Variants in PTPN14 observed in about 807,000 individuals in gnomAD.
PTPN14 encodes the protein protein tyrosine phosphatase non-receptor type 14.
Under a neutral mutation model 126.8 loss-of-function variants are expected in PTPN14, and 53 were observed. That is an observed-to-expected ratio of 0.42 (90% confidence interval 0.34 to 0.53). PTPN14 has a LOEUF of 0.53. PTPN14 is among the 20% of genes least tolerant of loss of function. The pLI, the probability that PTPN14 is intolerant of heterozygous loss-of-function variation, is 0.08. For synonymous variants in PTPN14, 630 were observed against 599.3 expected, an observed-to-expected ratio of 1.05 and a Z score of -0.75; for missense variants, 1,257 against 1,552.9, an observed-to-expected ratio of 0.81 and a Z score of 3.20.
intron 1 of PTPN14, among the ~76,000 whole-genome samples, chr1:214,546,342 T>C (rs1216519027): frequency 6.6e-6 from 1 of 152,226 alleles, no homozygotes; most frequent in African/African-American, 2.4e-5. Flanking sequence ...CCCCAATTAC[T>C]TGAGGAATGT....
intron 1 of PTPN14, among the ~76,000 whole-genome samples, chr1:214,490,783 G>A (rs960185013): frequency 1.4e-5 from 2 of 146,048 alleles, no homozygotes; most frequent in African/African-American, 5.1e-5. Flanking sequence ...GTTGCAGTGA[G>A]CCGAGATTGC....
chr1:214,463,573 G>C (rs1254868219), intron 2 of PTPN14, among the ~76,000 whole-genome samples: 1 of 152,176 alleles, frequency 6.6e-6, no homozygotes, highest in African/African-American at 2.4e-5. Context: ...GTCTTTAGAA[G>C]GGACTTTCAG....
chr1:214,531,604 C>T (rs1437656360), intron 1 of PTPN14: 3 of 151,590 alleles, frequency 2.0e-5, no homozygotes, highest in African/African-American at 7.3e-5. Flanking sequence ...TCGTATCTGC[C>T]CTGCAAGTCT....
At chr1:214,389,832 A>C (rs1658708548) in intron 11 of PTPN14, among the ~76,000 whole-genome samples, 1 of 152,360 alleles carries the variant, frequency 6.6e-6, no homozygotes. Flanking sequence ...AGAATAAATA[A>C]ATCAGTGCCA....
At chr1:214,494,096 A>G (rs955690637) in intron 1 of PTPN14, among the ~76,000 whole-genome samples, 1 of 151,524 alleles carries the variant, frequency 6.6e-6, no homozygotes, top group African/African-American at 2.4e-5. Context: ...TTTGAGACAG[A>G]GTCTCGCACT....
chr1:214,364,791 G>A lies in PTPN14; in HGVS notation c.3272-116C>T. 1 of 908,386 alleles carries A rather than the reference G, an allele frequency of 1.1e-6. No individual in the cohort carries two copies. The highest frequency in any genetic ancestry group is 1.6e-6 in the Non-Finnish European group (1 of 611,576). The allele number at this position is 908,386 out of a possible 1,614,324, so 56.3% of individuals were successfully genotyped here. A position where few individuals can be genotyped will look rare whatever the true frequency, so the allele number is the denominator to read the frequency against. ...AGTGTGTGTGTGTGTGTGTGTGTGT[G>A]TGTGTGTGTGTGTGTTTTAAGTGAC... On this transcript the variant is annotated intron_variant, in intron 17 of 18. Transcript: ENST00000366956. This position sits in a 1 kb window ranked among gnomAD's most constrained non-coding sequence, Gnocchi z 4.1.
intron 11 of PTPN14, among the ~76,000 whole-genome samples, chr1:214,390,591 A>C (rs919078511): frequency 3.9e-5 from 6 of 152,180 alleles, no homozygotes; most frequent in African/African-American, 1.4e-4. Flanking sequence ...GCATTTTCTC[A>C]CTAGTTTATT....
rs189081642 is a variant in PTPN14 at position 214,430,220 on chromosome 1, T to G, written c.345-15494A>C. On this transcript the variant is annotated intron_variant, in intron 3 of 18. Transcript: ENST00000366956. ...TTCACACTTTCCGCTCATCCATCAG[T>G]GAGCCCTTGATACTGATGGGAGCTA... Among the ~76,000 whole-genome samples, 591 of 152,316 alleles carry G rather than the reference T, an allele frequency of 3.9e-3. 5 individuals carry two copies. Among genetic ancestry groups the G allele is most frequent in the Admixed American group, 6.0e-3 (92 of 15,284 alleles).
intron 1 of PTPN14, among the ~76,000 whole-genome samples, chr1:214,527,746 A>G (rs141254461): frequency 5.9e-5 from 9 of 152,354 alleles, no homozygotes; most frequent in African/African-American, 2.2e-4. Context: ...ACAATGAAGT[A>G]GAAAAATCTG....
chr1:214,364,711 C>T lies in PTPN14; in HGVS notation c.3272-36G>A, dbSNP rs781382314. 6 of 1,594,076 alleles carry T rather than the reference C, an allele frequency of 3.8e-6. No homozygotes were observed. In the South Asian group the frequency reaches 6.8e-5, roughly 18 times the overall value. On this transcript the variant is annotated intron_variant, in intron 17 of 18. Coordinates refer to ENST00000366956, the MANE Select transcript of PTPN14 (RefSeq NM_005401.5). This position sits in a 1 kb window ranked among gnomAD's most constrained non-coding sequence, Gnocchi z 4.1. ...AAATGCAAATTCTGTCACCAAAGTC[C>T]TCCATGGCTTCGCATGTAAGTTGGG...
At chr1:214,416,512 G>A (rs1276191735) in intron 3 of PTPN14, among the ~76,000 whole-genome samples, 2 of 152,158 alleles carry the variant, frequency 1.3e-5, no homozygotes, top group Admixed American at 1.3e-4. Context: ...TTCTATTACA[G>A]ATCCATTCTA....
At chr1:214,453,620 C>T (rs79958052) in intron 2 of PTPN14, among the ~76,000 whole-genome samples, 6,858 of 152,164 alleles carry the variant, frequency 0.045, 194 homozygotes, top group Non-Finnish European at 0.063. Flanking sequence ...GACTACTACT[C>T]CTGTTACCAC....
chr1:214,397,689 A>G (rs372233457), intron 8 of PTPN14, among the ~76,000 whole-genome samples: 15 of 152,304 alleles, frequency 9.8e-5, no homozygotes, highest in African/African-American at 3.4e-4. Context: ...CTAACTCAAT[A>G]GAGTTCAACA....
At chr1:214,496,662 G>A (rs1195222210) in intron 1 of PTPN14, among the ~76,000 whole-genome samples, 2 of 152,138 alleles carry the variant, frequency 1.3e-5, no homozygotes, top group African/African-American at 2.4e-5. Context: ...GGATCCCTAA[G>A]GGACCAGAGA....
chr1:214,525,240 A>G (rs1655359619), intron 1 of PTPN14, among the ~76,000 whole-genome samples: 3 of 152,214 alleles, frequency 2.0e-5, no homozygotes, highest in African/African-American at 7.2e-5. Context: ...GTGGAGCAAA[A>G]CTTCGGCTAA....
intron 1 of PTPN14, among the ~76,000 whole-genome samples, chr1:214,481,346 A>G (rs1235284046): frequency 6.6e-6 from 1 of 151,766 alleles, no homozygotes; most frequent in African/African-American, 2.4e-5. Context: ...ATCTCTACTA[A>G]AAATACAAAA....
chr1:214,374,132 C>A (rs1405708486), intron 15 of PTPN14, among the ~76,000 whole-genome samples: 1 of 152,170 alleles, frequency 6.6e-6, no homozygotes, highest in Non-Finnish European at 1.5e-5. Flanking sequence ...AGTCAGGTCC[C>A]TTCTACATCT....
intron 1 of PTPN14, among the ~76,000 whole-genome samples, chr1:214,482,264 G>T (rs1034716949): frequency 1.9e-5 from 2 of 104,032 alleles, no homozygotes; most frequent in Admixed American, 9.5e-5. Flanking sequence ...TCAGAGGGTT[G>T]TAAAAAAAAT....
At chr1:214,517,061 C>A (rs908656603) in intron 1 of PTPN14, among the ~76,000 whole-genome samples, 1 of 152,146 alleles carries the variant, frequency 6.6e-6, no homozygotes, top group Admixed American at 6.6e-5. Context: ...GCCCAGCTAT[C>A]TCCTCCGCTC....
Sources: gnomAD v4.1 joint callset for allele counts (sites outside exome capture counted in the v4.1 genomes callset) on GRCh38, gnomAD v4.1.1 for gene constraint, Gnocchi (gnomAD v3.1) non-coding constraint, MANE v1.5 for transcripts, NCBI Gene and HGNC (gene_info 2026-07-23, HGNC 2026-07-21) for gene names.